The following CPNE8 variants were observed in gnomAD, a reference collection of about 807,000 sequenced individuals.
The protein encoded by CPNE8 is copine 8.
Under a neutral mutation model 81.5 loss-of-function variants are expected in CPNE8, and 45 were observed. The ratio of observed to expected loss-of-function variants is 0.55; its 90% CI spans 0.44 to 0.71. The LOEUF is 0.71. CPNE8 is among the 30% of genes least tolerant of loss of function. CPNE8 has a pLI of 0.00. For synonymous variants in CPNE8, 252 were observed against 226.3 expected (o/e 1.11, Z -1.02); for missense variants, 594 against 672.1 (o/e 0.88, Z 1.28).
chr12:38,854,073 G>A (rs2137067501), intron 3 of CPNE8, among the ~76,000 whole-genome samples: 1 of 152,070 alleles, frequency 6.6e-6, no homozygotes, highest in African/African-American at 2.4e-5. Context: ...GATTACACAA[G>A]AGTAAATTAG....
At chr12:38,863,856 C>A (rs958987899) in intron 3 of CPNE8, among the ~76,000 whole-genome samples, 17 of 151,918 alleles carry the variant, frequency 1.1e-4, no homozygotes, top group Non-Finnish European at 2.2e-4. Flanking sequence ...TCGAGACCAT[C>A]CTGGCTAACA....
chr12:38,774,772 T>C (rs1196457022), intron 7 of CPNE8, among the ~76,000 whole-genome samples: 1 of 152,120 alleles, frequency 6.6e-6, no homozygotes, highest in East Asian at 1.9e-4. Context: ...TTTAACAGCA[T>C]TATATGTGGG....
intron 3 of CPNE8, among the ~76,000 whole-genome samples, chr12:38,848,901 TCTC>T (rs1290858664): frequency 3.3e-5 from 5 of 152,100 alleles, no homozygotes; most frequent in Admixed American, 2.0e-4. Context: ...TGCTTCTCCT[TCTC>T]CTCTCCCTAC....
At chr12:38,683,526 A>G (rs541676974) in intron 16 of CPNE8, among the ~76,000 whole-genome samples, 2 of 152,270 alleles carry the variant, frequency 1.3e-5, no homozygotes, top group African/African-American at 4.8e-5. Context: ...ATAGAGAAAA[A>G]AATAGTACCT....
chr12:38,782,241 G>A (rs1942068801), intron 6 of CPNE8, among the ~76,000 whole-genome samples: 1 of 151,846 alleles, frequency 6.6e-6, no homozygotes, highest in Non-Finnish European at 1.5e-5. Context: ...AACAATGCAA[G>A]GTCAATAAAA....
intron 6 of CPNE8, among the ~76,000 whole-genome samples, chr12:38,787,815 C>A (rs1037653500): frequency 6.6e-5 from 10 of 151,418 alleles, no homozygotes; most frequent in Admixed American, 5.3e-4. Context: ...AACATAAGCA[C>A]CTATATGCCA....
In CPNE8 at chr12:38,774,831, G is replaced by T. The variant is rs541245548; in HGVS notation, c.471+1407C>A. On this transcript the variant is annotated intron_variant, in intron 7 of 19. Transcript: ENST00000331366. ...AGAAAAGTGAGACTGATATGACCGT[G>T]ACATGCCCAGGGGGACAAAGACAAT... Among the ~76,000 whole-genome samples, 6 of 152,258 alleles carry T rather than the reference G, an allele frequency of 3.9e-5. No homozygotes were observed. In the South Asian group the frequency reaches 1.2e-3, roughly 32 times the overall value.
At chr12:38,699,210 T>G (rs1939871806) in intron 14 of CPNE8, among the ~76,000 whole-genome samples, 1 of 152,214 alleles carries the variant, frequency 6.6e-6, no homozygotes, top group Admixed American at 6.5e-5. Context: ...TGCACTTCTT[T>G]TCTCTTGTTT....
At chr12:38,713,645 T>C (rs1940316493) in intron 13 of CPNE8, among the ~76,000 whole-genome samples, 1 of 152,194 alleles carries the variant, frequency 6.6e-6, no homozygotes, top group African/African-American at 2.4e-5. Context: ...TAGAAAATCG[T>C]GCTCCAAATG....
chr12:38,846,354 C>T (rs1943560523), intron 4 of CPNE8, among the ~76,000 whole-genome samples: 1 of 151,968 alleles, frequency 6.6e-6, no homozygotes, highest in Non-Finnish European at 1.5e-5. Flanking sequence ...TCAGTATGTC[C>T]AAAAAACTAA....
At chr12:38,759,652 G>A (rs1941534955) in intron 10 of CPNE8, among the ~76,000 whole-genome samples, 1 of 152,012 alleles carries the variant, frequency 6.6e-6, no homozygotes, top group South Asian at 2.1e-4. Flanking sequence ...AAATATTTGA[G>A]TCTTATATAC....
intron 1 of CPNE8, among the ~76,000 whole-genome samples, chr12:38,881,962 G>C (rs1944165732): frequency 6.6e-6 from 1 of 152,100 alleles, no homozygotes; most frequent in Non-Finnish European, 1.5e-5. Context: ...CTAAATCTCA[G>C]GTACAAAACT....
chr12:38,905,651 G>T (rs1331074340), upstream of CPNE8: 4 of 1,495,520 alleles, frequency 2.7e-6, no homozygotes, highest in African/African-American at 2.8e-5. Flanking sequence ...AGAAGGAGGC[G>T]GAGGCAGCGC....
chr12:38,762,920 G>C (rs1257776276), intron 8 of CPNE8, among the ~76,000 whole-genome samples: 1 of 152,134 alleles, frequency 6.6e-6, no homozygotes, highest in Non-Finnish European at 1.5e-5. Context: ...GTGCAGCGGC[G>C]TGATCTTGGC....
At chr12:38,717,656 G>A (rs1181951474) in intron 13 of CPNE8, among the ~76,000 whole-genome samples, 3 of 151,424 alleles carry the variant, frequency 2.0e-5, no homozygotes, top group Non-Finnish European at 4.4e-5. Context: ...TTGGGGATTT[G>A]AGGGGTGAAG....
chr12:38,885,567 GAGA>G (rs2137130575), intron 1 of CPNE8, among the ~76,000 whole-genome samples: 1 of 152,284 alleles, frequency 6.6e-6, no homozygotes, highest in African/African-American at 2.4e-5. Context: ...CTGACCCTGT[GAGA>G]AGAACGAAAA....
At chr12:38,773,125 A>G (rs1941842270) in intron 7 of CPNE8, among the ~76,000 whole-genome samples, 1 of 152,102 alleles carries the variant, frequency 6.6e-6, no homozygotes, top group Non-Finnish European at 1.5e-5. Context: ...TTATAGAAGC[A>G]GGGAGTAGAA....
At chr12:38,666,494 C>T (rs542746010) in intron 19 of CPNE8, among the ~76,000 whole-genome samples, 7 of 152,028 alleles carry the variant, frequency 4.6e-5, no homozygotes, top group South Asian at 4.2e-4. Context: ...CCAGGTGCGG[C>T]GAGTGAGGTC....
At chr12:38,778,278 G>C (rs1941976450) in intron 6 of CPNE8, among the ~76,000 whole-genome samples, 2 of 152,142 alleles carry the variant, frequency 1.3e-5, no homozygotes, top group Admixed American at 1.3e-4. Context: ...GTTTGTGTAA[G>C]TACAGCCTAT....
Sources: gnomAD v4.1 joint callset for allele counts (sites outside exome capture counted in the v4.1 genomes callset) on GRCh38, gnomAD v4.1.1 for gene constraint, MANE v1.5 for transcripts, NCBI Gene and HGNC (gene_info 2026-07-23, HGNC 2026-07-21) for gene names.